The following RAPGEF2 variants were observed in gnomAD, a reference collection of about 807,000 sequenced individuals.
RAPGEF2 encodes the protein PDZ domain containing guanine nucleotide exchange factor (GEF) 1.
RAPGEF2 carries 54 observed loss-of-function variants against 186.7 expected under a neutral mutation model. The observed-to-expected ratio is 0.29, with a 90% CI of 0.23 to 0.36. RAPGEF2 has a LOEUF of 0.36. RAPGEF2 is among the 10% of genes least tolerant of loss of function. The pLI, the probability that RAPGEF2 is intolerant of heterozygous loss-of-function variation, is 1.00. For synonymous variants in RAPGEF2, 712 were observed against 705.9 expected, an observed-to-expected ratio of 1.01 and a Z score of -0.14; for missense variants, 1,532 against 2,045.0, an observed-to-expected ratio of 0.75 and a Z score of 4.84.
At chr4:159,293,269 C>G (rs996453203) in intron 7 of RAPGEF2, among the ~76,000 whole-genome samples, 1 of 152,166 alleles carries the variant, frequency 6.6e-6, no homozygotes, top group Non-Finnish European at 1.5e-5. Flanking sequence ...CACTGTTTAT[C>G]ACATCGGTTT....
intron 7 of RAPGEF2, among the ~76,000 whole-genome samples, chr4:159,254,601 T>TA (rs1491448653): frequency 1.3e-5 from 1 of 76,552 alleles, no homozygotes; most frequent in Non-Finnish European, 2.5e-5. Context: ...ACAGCATGAC[T>TA]TTTTTTTTTT....
intron 4 of RAPGEF2, among the ~76,000 whole-genome samples, chr4:159,231,825 G>A (rs952570384): frequency 1.3e-5 from 2 of 152,096 alleles, no homozygotes; most frequent in Non-Finnish European, 2.9e-5. Flanking sequence ...CTGATGCTAA[G>A]CATTTTGGAT....
chr4:159,328,489 C>T (rs1368794369), intron 11 of RAPGEF2: 7 of 152,042 alleles, frequency 4.6e-5, no homozygotes, highest in African/African-American at 1.7e-4. Flanking sequence ...TGAGATTAGC[C>T]AACTCTGGGA....
At position 159,356,103 on chromosome 4, in the gene RAPGEF2, G is replaced by T. The variant is rs768095219; in HGVS notation, c.4902G>T (p.Glu1634Asp). 1 of 1,614,194 alleles carries T rather than the reference G, an allele frequency of 6.2e-7. No individual in the cohort carries two copies. The highest frequency in any genetic ancestry group is 8.5e-7 in the Non-Finnish European group (1 of 1,180,034). ...VNKPQWHKPNESDPRLAPYQS... is the reference protein window; with the variant it reads ...VNKPQWHKPNDSDPRLAPYQS... ...AACCTCAGTGGCATAAACCGAACGA[G>T]TCTGACCCGCGCCTCGCCCCCTATC... is the stretch of plus-strand genomic sequence containing the variant. The change falls in exon 29 of 30, where the codon GAG becomes GAT. Residue 1634 changes from glutamate to aspartate, a missense_variant. By Grantham distance (45) the Glu-to-Asp change is conservative. This residue lies in a region of RAPGEF2 where 594 missense variants were observed against 608.5 expected (regional missense o/e 0.98). Transcript: ENST00000691494.
intron 24 of RAPGEF2, among the ~76,000 whole-genome samples, chr4:159,346,424 T>C (rs1730313536): frequency 6.6e-6 from 1 of 152,216 alleles, no homozygotes; most frequent in African/African-American, 2.4e-5. Flanking sequence ...TTTAGAAAAA[T>C]AGTGCCTGAT....
intron 1 of RAPGEF2, among the ~76,000 whole-genome samples, chr4:159,133,732 T>C (rs7693653): frequency 0.63 from 94,848 of 151,424 alleles, 30,477 homozygotes; most frequent in African/African-American, 0.78. Context: ...TACAGGTGCC[T>C]GCCACCACGC....
At chr4:159,155,601 T>G (rs1019737011) in intron 1 of RAPGEF2, among the ~76,000 whole-genome samples, 2 of 152,164 alleles carry the variant, frequency 1.3e-5, no homozygotes, top group African/African-American at 4.8e-5. Flanking sequence ...GACTCTGTAT[T>G]TAGGAGAGTA....
intron 4 of RAPGEF2, among the ~76,000 whole-genome samples, chr4:159,223,261 C>T (rs1751710589): frequency 6.6e-6 from 1 of 151,998 alleles, no homozygotes; most frequent in South Asian, 2.1e-4. Flanking sequence ...AATAGAATTT[C>T]TGCTATCTAG....
chr4:159,338,117 C>G (rs1369240824), intron 17 of RAPGEF2, among the ~76,000 whole-genome samples, 194 bp from the exon 18 acceptor site: 2 of 150,868 alleles, frequency 1.3e-5, no homozygotes, highest in Admixed American at 1.3e-4. Context: ...AAACAAAAAA[C>G]AAAAACAGGA....
At chr4:159,333,370 ATCT>A (rs1404311763) in intron 17 of RAPGEF2, among the ~76,000 whole-genome samples, 2 of 152,136 alleles carry the variant, frequency 1.3e-5, no homozygotes, top group Admixed American at 1.3e-4. Context: ...GTTTCTGGGT[ATCT>A]TCTTTACCAA....
At chr4:159,116,040 G>C (rs1165316759) in intron 1 of RAPGEF2, among the ~76,000 whole-genome samples, 2 of 152,136 alleles carry the variant, frequency 1.3e-5, no homozygotes, top group Non-Finnish European at 2.9e-5. Flanking sequence ...AAGATTTTAT[G>C]ATGAAAACGT....
At chr4:159,152,820 C>T (rs1039868490) in intron 1 of RAPGEF2, among the ~76,000 whole-genome samples, 4 of 152,078 alleles carry the variant, frequency 2.6e-5, no homozygotes, top group Non-Finnish European at 5.9e-5. Flanking sequence ...GGGGTTTCAC[C>T]GTGTTAGCCA....
In RAPGEF2 at chr4:159,304,365, G is replaced by T. The variant is rs1763032139; in HGVS notation, c.567G>T (p.Leu189=). 1 of 1,605,120 alleles carries T rather than the reference G, an allele frequency of 6.2e-7. No homozygotes were observed. Among genetic ancestry groups the T allele is most frequent in the Admixed American group, 1.7e-5 (1 of 59,718 alleles). The part of the protein sequence containing the change: ...KSQLPADFTK[L]HLTDSLHPQV... ...AGCTTCCTGCAGATTTCACAAAACTGCATCTTACTGACAGTCTCCACCCAC... is the reference window on the plus strand; with the variant it reads ...AGCTTCCTGCAGATTTCACAAAACTTCATCTTACTGACAGTCTCCACCCAC... The change falls in exon 8 of 30, where the codon CTG becomes CTT. Residue 189 remains leucine (L), a synonymous_variant. Transcript: ENST00000691494.
At chr4:159,307,317 T>C (rs1175579314) in intron 8 of RAPGEF2, among the ~76,000 whole-genome samples, 8 of 152,158 alleles carry the variant, frequency 5.3e-5, no homozygotes, top group Non-Finnish European at 1.2e-4. Flanking sequence ...CTAAATTTAG[T>C]AGATCTTGAA....
intron 1 of RAPGEF2, among the ~76,000 whole-genome samples, chr4:159,129,589 T>C (rs1342556300): frequency 6.6e-6 from 1 of 152,230 alleles, no homozygotes; most frequent in Non-Finnish European, 1.5e-5. Flanking sequence ...GATGCAGGGA[T>C]TAAGTAATTT....
intron 4 of RAPGEF2, among the ~76,000 whole-genome samples, chr4:159,237,642 C>G (rs1375613309): frequency 3.3e-5 from 5 of 151,644 alleles, no homozygotes; most frequent in Non-Finnish European, 7.4e-5. Context: ...AAAAATTGTT[C>G]AATGAAATAG....
rs1370092288 is a variant in RAPGEF2 at position 159,346,301 on chromosome 4, T to G, written c.3503-488T>G. 2.0e-5 allele frequency among the ~76,000 whole-genome samples: 3 copies of G among 152,206 alleles called. No individual in the cohort carries two copies. In the East Asian group the frequency reaches 5.8e-4, roughly 29 times the overall value. Reference sequence around the variant, plus strand: ...TACTGAAGCATTATTGGCTACTGTTTGCTTGCATAGATAATTCTACCTCCT... The same window carrying G: ...TACTGAAGCATTATTGGCTACTGTTGGCTTGCATAGATAATTCTACCTCCT... On this transcript the variant is annotated intron_variant, in intron 24 of 29. Transcript: ENST00000691494.
intron 3 of RAPGEF2, among the ~76,000 whole-genome samples, chr4:159,197,923 A>G (rs768780773): frequency 4.7e-4 from 71 of 152,204 alleles, no homozygotes; most frequent in Non-Finnish European, 8.7e-4. Flanking sequence ...TGCCTGTATG[A>G]TGGAGTTATT....
intron 1 of RAPGEF2, among the ~76,000 whole-genome samples, chr4:159,117,672 T>C (rs1007241264): frequency 1.6e-4 from 25 of 152,302 alleles, no homozygotes; most frequent in African/African-American, 5.3e-4. Context: ...ATTTCCTTCA[T>C]ATAACCCAGT....
Sources: gnomAD v4.1 joint callset for allele counts (sites outside exome capture counted in the v4.1 genomes callset) on GRCh38, gnomAD v4.1.1 for gene constraint, gnomAD v4.1.1 regional missense constraint, MANE v1.5 for transcripts, NCBI Gene and HGNC (gene_info 2026-07-23, HGNC 2026-07-21) for gene names.